LNPEP: variants seen among roughly 807,000 people sequenced by gnomAD.
LNPEP encodes the protein leucyl-cystinyl aminopeptidase.
In LNPEP, 64 loss-of-function variants were observed where a neutral mutation model predicts 120.6. The observed-to-expected ratio is 0.53, with a 90% CI of 0.43 to 0.65. The LOEUF is 0.65. Ranked by LOEUF, LNPEP falls within the 30% of genes least tolerant of loss-of-function variation. LNPEP has a pLI of 0.00. For missense variants in LNPEP, 1,057 were observed against 1,200.0 expected (o/e 0.88, Z 1.76); for synonymous variants, 435 against 425.4 (o/e 1.02, Z -0.28).
At chr5:97,009,421 A>G (rs1040601623) in intron 11 of LNPEP, among the ~76,000 whole-genome samples, 16 of 152,152 alleles carry the variant, frequency 1.1e-4, no homozygotes, top group African/African-American at 3.4e-4. Flanking sequence ...CACTTTTAGC[A>G]CTTAGTAGGC....
At chr5:96,955,966 A>G (rs1789458032) in intron 1 of LNPEP, among the ~76,000 whole-genome samples, 1 of 152,202 alleles carries the variant, frequency 6.6e-6, no homozygotes, top group Non-Finnish European at 1.5e-5. Context: ...ATTTTAGCCA[A>G]TCCAGTAGAT....
chr5:96,979,137 G>A lies in LNPEP; in HGVS notation c.20-1G>A. On this transcript the variant is annotated splice_acceptor_variant, in intron 1 of 17. Coordinates refer to ENST00000231368, the MANE Select transcript of LNPEP (RefSeq NM_005575.3). LOFTEE classifies it high-confidence loss of function. ...CTTGTTCTTATGTTTTGGTTTTTTA[G>A]ATCGGCTTCAGCTCCCCAGGAATAT... 6.3e-7 allele frequency: 1 copy of A among 1,580,554 alleles called. No individual in the cohort carries two copies. Among genetic ancestry groups the A allele is most frequent in the Non-Finnish European group, 8.6e-7 (1 of 1,165,134 alleles).
At position 97,037,283 on chromosome 5, in the gene LNPEP, GA is replaced by G; in HGVS notation, c.*8752del. 1 of 152,184 alleles carries G rather than the reference GA, an allele frequency of 6.6e-6. No individual in the cohort carries two copies. Among genetic ancestry groups the G allele is most frequent in the East Asian group, 1.9e-4 (1 of 5,188 alleles). 9.4% of individuals were successfully genotyped at this position (152,184 alleles called of 1,614,324 possible). On this transcript the variant is annotated 3_prime_UTR_variant, in exon 18 of 18. Transcript: ENST00000231368. ...TTCCTTGAGTCTGAGCTTGTGGGTGGAATTCTAAATTTGTATCATAATCTGT... is the reference window on the plus strand; with the variant it reads ...TTCCTTGAGTCTGAGCTTGTGGGTGGATTCTAAATTTGTATCATAATCTGT...
chr5:96,950,590 A>G (rs1428003135), intron 1 of LNPEP, among the ~76,000 whole-genome samples: 1 of 152,262 alleles, frequency 6.6e-6, no homozygotes, highest in African/African-American at 2.4e-5. Flanking sequence ...ACGTAACAAA[A>G]TATTAATAAC....
intron 4 of LNPEP, among the ~76,000 whole-genome samples, chr5:96,987,184 A>C (rs1203271325): frequency 2.0e-5 from 3 of 152,122 alleles, no homozygotes; most frequent in Non-Finnish European, 4.4e-5. Flanking sequence ...TATTTAGTTA[A>C]GGGTCTGGTT....
chr5:96,949,447 C>T (rs1402109203), intron 1 of LNPEP, among the ~76,000 whole-genome samples: 1 of 152,180 alleles, frequency 6.6e-6, no homozygotes, highest in East Asian at 1.9e-4. Flanking sequence ...GTTACAGTTT[C>T]ATCCCAAAAC....
intron 1 of LNPEP, among the ~76,000 whole-genome samples, chr5:96,954,767 TATATA>T (rs1467289516): frequency 0.057 from 2,753 of 48,112 alleles, 569 homozygotes; most frequent in Non-Finnish European, 0.086. Flanking sequence ...TATATATATA[TATATA>T]TTTTTTTTTT....
chr5:96,958,134 C>A (rs1057080725), intron 1 of LNPEP, among the ~76,000 whole-genome samples: 1 of 152,352 alleles, frequency 6.6e-6, no homozygotes, highest in Non-Finnish European at 1.5e-5. Context: ...AATATTAAAA[C>A]AGAAACTCAC....
rs766709435 is a variant in LNPEP at position 96,993,089 on chromosome 5, G to A, written c.1206G>A (p.Glu402=). ...YALETTVKLL[E]FFQNYFEIQY... ...TGGAAACAACTGTGAAGCTTCTTGA[G>A]TTTTTTCAAAACTACTTTGAAATTC... The change falls in exon 5 of 18, where the codon GAG becomes GAA. Residue 402 remains glutamate, a synonymous_variant. Transcript: ENST00000231368. 5.0e-6 allele frequency: 8 copies of A among 1,600,752 alleles called. No homozygotes were observed. The highest frequency in any genetic ancestry group is 1.3e-5 in the African/African-American group (1 of 74,466).
intron 1 of LNPEP, among the ~76,000 whole-genome samples, chr5:96,975,276 C>T (rs932296269): frequency 6.6e-6 from 1 of 152,130 alleles, no homozygotes; most frequent in African/African-American, 2.4e-5. Flanking sequence ...ATCCTGTTCT[C>T]CTTCCTTGCC....
intron 11 of LNPEP, among the ~76,000 whole-genome samples, chr5:97,007,316 G>A (rs1019190953): frequency 5.9e-5 from 9 of 152,076 alleles, no homozygotes; most frequent in South Asian, 2.1e-4. Context: ...AGAGACTGCC[G>A]GGTTCAATTC....
chr5:96,998,328 T>C (rs1208087358), intron 8 of LNPEP, among the ~76,000 whole-genome samples, 183 bp downstream of exon 8: 1 of 152,206 alleles, frequency 6.6e-6, no homozygotes, highest in Admixed American at 6.5e-5. Context: ...GTTTTTTTCT[T>C]TCTCTGACTC....
chr5:97,012,096 G>A lies in LNPEP; in HGVS notation c.2036-1552G>A, dbSNP rs141504262. ...CCTTCACTACAGAATTATAATGATA[G>A]TGAACATTTTAAAACAGCCTAAATT... On this transcript the variant is annotated intron_variant, in intron 11 of 17. Transcript: ENST00000231368. 7.9e-3 allele frequency among the ~76,000 whole-genome samples: 1,205 copies of A among 152,144 alleles called. 7 individuals carry two copies. Among genetic ancestry groups the A allele is most frequent in the South Asian group, 0.021 (100 of 4,800 alleles).
chr5:97,000,282 T>C (rs1790615902), intron 8 of LNPEP, among the ~76,000 whole-genome samples: 1 of 152,198 alleles, frequency 6.6e-6, no homozygotes, highest in Admixed American at 6.5e-5. Context: ...AATGTGGTTT[T>C]CTTGGGGAAG....
intron 15 of LNPEP, 97 bp downstream of exon 15, chr5:97,024,779 C>T (rs1791299049): frequency 8.8e-7 from 1 of 1,139,814 alleles, no homozygotes; most frequent in Non-Finnish European, 1.2e-6. Flanking sequence ...TCTCTTTTCC[C>T]CACTTCTGTT....
chr5:96,999,341 T>A (rs1790590929), intron 8 of LNPEP, among the ~76,000 whole-genome samples: 1 of 152,152 alleles, frequency 6.6e-6, no homozygotes, highest in African/African-American at 2.4e-5. Flanking sequence ...TAAAAAATAC[T>A]GGGCAGGGAA....
At chr5:97,005,631 A>G (rs939261120) in intron 9 of LNPEP, among the ~76,000 whole-genome samples, 3 of 152,212 alleles carry the variant, frequency 2.0e-5, no homozygotes, top group African/African-American at 7.2e-5. Flanking sequence ...AGAGAAACCC[A>G]GACTCAGGTG....
chr5:97,022,631 C>A (rs1263553373), intron 14 of LNPEP, 147 bp downstream of exon 14: 2 of 656,232 alleles, frequency 3.0e-6, no homozygotes, highest in Non-Finnish European at 2.5e-6. Context: ...CATTCTCAAA[C>A]AAGACTTTTT....
At chr5:96,976,702 C>T (rs1217708320) in intron 1 of LNPEP, among the ~76,000 whole-genome samples, 2 of 151,712 alleles carry the variant, frequency 1.3e-5, no homozygotes, top group African/African-American at 4.8e-5. Flanking sequence ...ATAATCTTCC[C>T]ATGTGTGGTA....
Sources: gnomAD v4.1 joint callset for allele counts (sites outside exome capture counted in the v4.1 genomes callset) on GRCh38, gnomAD v4.1.1 for gene constraint, MANE v1.5 for transcripts, NCBI Gene and HGNC (gene_info 2026-07-23, HGNC 2026-07-21) for gene names.